FARS2: variants seen among roughly 807,000 people sequenced by gnomAD.
The protein encoded by FARS2 is phenylalanine--tRNA ligase, mitochondrial.
A neutral mutation model predicts 46.4 loss-of-function variants in FARS2; 40 were observed. The observed-to-expected ratio is 0.86, with a 90% CI of 0.67 to 1.12. FARS2 has a LOEUF of 1.12. FARS2 is among the 50% of genes most tolerant of loss of function. The pLI is 0.00. For missense variants in FARS2, 513 were observed against 567.9 expected (o/e 0.90, Z 0.98); for synonymous variants, 234 against 214.9 (o/e 1.09, Z -0.78).
chr6:5,537,877 T>C (rs1770318824), intron 4 of FARS2, among the ~76,000 whole-genome samples: 1 of 152,140 alleles, frequency 6.6e-6, no homozygotes, highest in Admixed American at 6.6e-5. Context: ...CTTTCTCCTC[T>C]CCTTTTTTTT....
chr6:5,570,111 T>G (rs1424261365), intron 5 of FARS2, among the ~76,000 whole-genome samples: 3 of 152,236 alleles, frequency 2.0e-5, no homozygotes, highest in African/African-American at 7.2e-5. Context: ...TGTATTAAGC[T>G]TTTGGAGGTC....
chr6:5,739,311 CAT>C (rs1413816171), intron 6 of FARS2, among the ~76,000 whole-genome samples: 2 of 141,698 alleles, frequency 1.4e-5, no homozygotes, highest in African/African-American at 5.5e-5. Context: ...GCTTGGGCAA[CAT>C]AGTGAGACCC....
intron 4 of FARS2, among the ~76,000 whole-genome samples, chr6:5,525,509 C>G (rs1248379269): frequency 6.6e-6 from 1 of 152,186 alleles, no homozygotes; most frequent in Non-Finnish European, 1.5e-5. Context: ...CCACATGCCT[C>G]TAATCAACCT....
At chr6:5,760,978 G>A (rs1762449582) in intron 6 of FARS2, among the ~76,000 whole-genome samples, 1 of 152,156 alleles carries the variant, frequency 6.6e-6, no homozygotes, top group Non-Finnish European at 1.5e-5. Flanking sequence ...GGTCCCTATT[G>A]GGCCATTTGT....
At chr6:5,617,533 T>C (rs1182141332) in intron 6 of FARS2, among the ~76,000 whole-genome samples, 1 of 152,272 alleles carries the variant, frequency 6.6e-6, no homozygotes, top group Admixed American at 6.5e-5. Flanking sequence ...CCTGGTTTTT[T>C]AGCTCAGCAA....
intron 1 of FARS2, among the ~76,000 whole-genome samples, chr6:5,320,072 T>C (rs755832115): frequency 4.6e-5 from 7 of 152,174 alleles, no homozygotes; most frequent in Non-Finnish European, 8.8e-5. Flanking sequence ...GATAAATAGA[T>C]CCCAAGGTCA....
At chr6:5,477,369 C>G (rs1054478086) in intron 4 of FARS2, among the ~76,000 whole-genome samples, 1 of 152,122 alleles carries the variant, frequency 6.6e-6, no homozygotes, top group African/African-American at 2.4e-5. Context: ...GTCTTCCTGC[C>G]GACACTTCCT....
At position 5,369,103 on chromosome 6, in the gene FARS2, A is replaced by G. The variant is rs1483255126; in HGVS notation, c.533A>G (p.Tyr178Cys). 6.2e-7 allele frequency: 1 copy of G among 1,613,768 alleles called. No homozygotes were observed. The highest frequency in any genetic ancestry group is 1.7e-5 in the Admixed American group (1 of 60,024). Residue 178 changes from tyrosine to cysteine, a missense_variant, in exon 2 of 7, where the codon TAC (tyrosine) becomes TGC (cysteine). Tyr to Cys is a radical substitution (Grantham distance 194). Transcript: ENST00000274680. Reference sequence around the variant, plus strand: ...GCCTTCCTGGTGGTGGGTGATGTCTACAGGCGTGACCAGATCGACTCCCAG... The same window carrying G: ...GCCTTCCTGGTGGTGGGTGATGTCTGCAGGCGTGACCAGATCGACTCCCAG... ...LDAFLVVGDV[Y>C]RRDQIDSQHY...
At chr6:5,282,488 A>G (rs1029465443) in intron 1 of FARS2, among the ~76,000 whole-genome samples, 4 of 152,140 alleles carry the variant, frequency 2.6e-5, no homozygotes, top group Non-Finnish European at 5.9e-5. Context: ...TGGGGAAGGG[A>G]GACAATCATG....
At chr6:5,549,863 G>T (rs1315561663) in intron 5 of FARS2, among the ~76,000 whole-genome samples, 1 of 152,070 alleles carries the variant, frequency 6.6e-6, no homozygotes, top group Non-Finnish European at 1.5e-5. Context: ...AATACATTCA[G>T]CCTATCCCAA....
rs115896704 is a variant in FARS2, at chr6:5,324,755, G to A, written c.-21-43795G>A. 8.6e-3 allele frequency among the ~76,000 whole-genome samples: 1,297 copies of A among 150,838 alleles called. 22 individuals are homozygous for A. The highest frequency in any genetic ancestry group is 0.031 in the African/African-American group (1,232 of 40,350). ...ATGAACAATGGACTGAAGCCTTTCCGGGCTTGGCTGGCAGCCCCTGAGTCT... is the reference window on the plus strand; with the variant it reads ...ATGAACAATGGACTGAAGCCTTTCCAGGCTTGGCTGGCAGCCCCTGAGTCT... On this transcript the variant is annotated intron_variant, in intron 1 of 6. Coordinates refer to ENST00000274680, the MANE Select transcript of FARS2 (RefSeq NM_006567.5).
intron 4 of FARS2, among the ~76,000 whole-genome samples, chr6:5,453,307 A>G (rs1019083669): frequency 1.3e-5 from 2 of 152,214 alleles, no homozygotes; most frequent in African/African-American, 4.8e-5. Context: ...GAAGAAATAT[A>G]CATTTCTCTC....
At chr6:5,276,121 C>G (rs1202194583) in intron 1 of FARS2, among the ~76,000 whole-genome samples, 1 of 152,132 alleles carries the variant, frequency 6.6e-6, no homozygotes, top group Non-Finnish European at 1.5e-5. Flanking sequence ...ATTATTGACA[C>G]AAGTTATTGA....
At chr6:5,631,987 T>TC (rs1561765923) in intron 6 of FARS2, among the ~76,000 whole-genome samples, 1 of 152,236 alleles carries the variant, frequency 6.6e-6, no homozygotes, top group Non-Finnish European at 1.5e-5. Context: ...TTTTGTTAGA[T>TC]CATGATTTAG....
intron 6 of FARS2, among the ~76,000 whole-genome samples, chr6:5,739,234 G>C (rs1761154792): frequency 6.6e-6 from 1 of 151,908 alleles, no homozygotes; most frequent in South Asian, 2.1e-4. Flanking sequence ...AGTGGCTCAT[G>C]CCTGTAATCC....
chr6:5,687,923 G>T (rs1757371931), intron 6 of FARS2, among the ~76,000 whole-genome samples: 1 of 152,142 alleles, frequency 6.6e-6, no homozygotes, highest in Non-Finnish European at 1.5e-5. Flanking sequence ...CACGTCCCTT[G>T]TAAGTTGGAT....
At chr6:5,609,815 AAAT>A in intron 5 of FARS2, 1 of 1,187,474 alleles carries the variant, frequency 8.4e-7, no homozygotes, top group Non-Finnish European at 1.2e-6. Flanking sequence ...AAACTGTTCA[AAAT>A]AATCTCTTCA....
intron 1 of FARS2, among the ~76,000 whole-genome samples, chr6:5,277,810 A>G (rs891714083): frequency 1.3e-5 from 2 of 152,146 alleles, no homozygotes; most frequent in African/African-American, 4.8e-5. Flanking sequence ...TTATTCAAAA[A>G]TGTTTTGCAA....
intron 5 of FARS2, among the ~76,000 whole-genome samples, chr6:5,602,275 G>A (rs1347787549): frequency 6.6e-6 from 1 of 152,148 alleles, no homozygotes; most frequent in African/African-American, 2.4e-5. Context: ...ATGCTTTCTT[G>A]AGAATTATTA....
Sources: gnomAD v4.1 joint callset for allele counts (sites outside exome capture counted in the v4.1 genomes callset) on GRCh38, gnomAD v4.1.1 for gene constraint, MANE v1.5 for transcripts, NCBI Gene and HGNC (gene_info 2026-07-23, HGNC 2026-07-21) for gene names.